Variants in MTAP observed in about 807,000 individuals in gnomAD.
MTAP encodes the protein S-methyl-5'-thioadenosine phosphorylase.
MTAP carries 33 observed loss-of-function variants against 33.6 expected under a neutral mutation model. The observed-to-expected ratio is 0.98, with a 90% CI of 0.74 to 1.31. The LOEUF (loss-of-function observed/expected upper bound fraction) is 1.31. MTAP is among the 40% of genes most tolerant of loss of function. The pLI is 0.00. For missense variants in MTAP, 367 were observed against 360.0 expected, an observed-to-expected ratio of 1.02 and a Z score of -0.16; for synonymous variants, 148 against 125.7, an observed-to-expected ratio of 1.18 and a Z score of -1.19.
In MTAP at chr9:21,863,101, C is replaced by T. The variant is rs1825785596; in HGVS notation, c.*1087C>T. On this transcript the variant is annotated 3_prime_UTR_variant, in exon 8 of 8. Transcript: ENST00000644715. ...AGAACAGTACTTGGGTTTGCAACAG[C>T]TTTCTGAGAAAAGCTAGGTGTTTAA... is the stretch of plus-strand genomic sequence containing the variant. 12 of 984,782 alleles carry T rather than the reference C, an allele frequency of 1.2e-5. No homozygotes were observed. The highest frequency in any genetic ancestry group is 1.3e-5 in the Non-Finnish European group (11 of 829,480). 61.0% of individuals were successfully genotyped at this position (984,782 alleles called of 1,614,324 possible). A position where few individuals can be genotyped will look rare whatever the true frequency, so the allele number is the denominator to read the frequency against.
At chr9:21,848,063 C>T (rs1825424562) in intron 5 of MTAP, among the ~76,000 whole-genome samples, 1 of 152,154 alleles carries the variant, frequency 6.6e-6, no homozygotes, top group Non-Finnish European at 1.5e-5. Flanking sequence ...GCATCCCCTC[C>T]CTGACCTATG....
chr9:21,917,731 C>G (rs1214588764), intron 1 of MTAP, among the ~76,000 whole-genome samples: 2 of 152,152 alleles, frequency 1.3e-5, no homozygotes, highest in South Asian at 2.1e-4. Flanking sequence ...TCCAGTAATC[C>G]CACTACTGAG....
chr9:21,852,658 A>G (rs531739225), intron 5 of MTAP, among the ~76,000 whole-genome samples: 1 of 151,578 alleles, frequency 6.6e-6, no homozygotes, highest in East Asian at 2.0e-4. Flanking sequence ...CTACTAAAGA[A>G]CTTATATACA....
At chr9:21,896,617 A>G (rs565037733) in intron 1 of MTAP, among the ~76,000 whole-genome samples, 8 of 152,292 alleles carry the variant, frequency 5.3e-5, no homozygotes, top group Non-Finnish European at 1.0e-4. Context: ...CCTCTATGCA[A>G]ATAAACTAGA....
At position 21,816,647 on chromosome 9, in the gene MTAP, A is replaced by G. The variant is rs7023474; in HGVS notation, c.121-67A>G. ...GATTCCATGAGTCCTGTTGTGGTTGAACAATTATAATTTACATACCTGTTT... is the reference window on the plus strand; with the variant it reads ...GATTCCATGAGTCCTGTTGTGGTTGGACAATTATAATTTACATACCTGTTT... On this transcript the variant is annotated intron_variant, in intron 2 of 7. Coordinates refer to ENST00000644715, the MANE Select transcript of MTAP (RefSeq NM_002451.4). 783,407 of 1,408,308 alleles carry G rather than the reference A, an allele frequency of 0.56. 223,780 individuals carry two copies. The highest frequency in any genetic ancestry group is 0.82 in the African/African-American group (57,578 of 70,402). The allele number at this position is 1,408,308 out of a possible 1,614,324, so 87.2% of individuals were successfully genotyped here.
intron 5 of MTAP, among the ~76,000 whole-genome samples, chr9:21,848,416 G>T (rs1825433228): frequency 8.9e-6 from 1 of 112,438 alleles, no homozygotes; most frequent in African/African-American, 2.9e-5. Context: ...GGATCAGGCT[G>T]AATTTATTGA....
rs1563869458 is a variant in MTAP at position 21,915,046 on chromosome 9, TCC to T, written c.148-15961_148-15960del. 5.5e-3 allele frequency among the ~76,000 whole-genome samples: 592 copies of T among 108,598 alleles called. 9 individuals carry two copies. Among genetic ancestry groups the T allele is most frequent in the Non-Finnish European group, 6.8e-3 (401 of 59,016 alleles). The allele number at this position is 108,598 out of a possible 152,430, so 71.2% of individuals were successfully genotyped here. ...TTCCTTCCTTCCTTCCTTCCTTCCT[TCC>T]TTCCTTCCTTTCTTTCTTTCTTTCT... On this transcript the variant is annotated intron_variant, in intron 1 of 1. Coordinates refer to the MTAP transcript ENST00000577563.
intron 1 of MTAP, among the ~76,000 whole-genome samples, chr9:21,913,405 A>G (rs2118856260): frequency 6.6e-6 from 1 of 152,340 alleles, no homozygotes; most frequent in African/African-American, 2.4e-5. Context: ...TAACCAAAAC[A>G]GCATGGTACT....
At chr9:21,815,789 T>C (rs992467280) in intron 2 of MTAP, among the ~76,000 whole-genome samples, 6 of 152,098 alleles carry the variant, frequency 3.9e-5, no homozygotes, top group Non-Finnish European at 7.3e-5. Flanking sequence ...AGATACTCAT[T>C]TCAGACCACA....
chr9:21,848,121 G>GCCTGAGGCAACAGTGATGGCCTCC (rs1209119963), intron 5 of MTAP, among the ~76,000 whole-genome samples: 1 of 152,138 alleles, frequency 6.6e-6, no homozygotes, highest in Non-Finnish European at 1.5e-5. Context: ...ACCCTGTGCG[G>GCCTGAGGCAACAGTGATGGCCTCC]CCTGAGGCAA....
At chr9:21,807,039 A>C (rs1587191983) in intron 1 of MTAP, among the ~76,000 whole-genome samples, 1 of 152,088 alleles carries the variant, frequency 6.6e-6, no homozygotes, top group Non-Finnish European at 1.5e-5. Context: ...TGCTGCACGC[A>C]TGTAATCCCA....
At chr9:21,901,555 A>C (rs916033499) in intron 1 of MTAP, among the ~76,000 whole-genome samples, 1 of 152,216 alleles carries the variant, frequency 6.6e-6, no homozygotes, top group African/African-American at 2.4e-5. Context: ...ATTATTAACT[A>C]TAAAACCTAT....
At chr9:21,888,796 A>G (rs1182988987) in intron 1 of MTAP, among the ~76,000 whole-genome samples, 1 of 152,178 alleles carries the variant, frequency 6.6e-6, no homozygotes, top group African/African-American at 2.4e-5. Context: ...AAGAACACCC[A>G]GGAAATTCGT....
At chr9:21,812,198 C>G (rs1174345164) in intron 1 of MTAP, 2 of 209,330 alleles carry the variant, frequency 9.6e-6, no homozygotes, top group Non-Finnish European at 2.0e-5. Context: ...CGGCCAGCTT[C>G]TGCAAGTCAG....
rs548484013 is a variant in MTAP at position 21,855,005 on chromosome 9, G to C, written c.690+135G>C. Reference sequence around the variant, plus strand: ...GGTTTTGAAGTTGTTAATATTTTCTGTAGTTCCATTGGAAGGTAAGAACAA... The same window carrying C: ...GGTTTTGAAGTTGTTAATATTTTCTCTAGTTCCATTGGAAGGTAAGAACAA... On this transcript the variant is annotated intron_variant, in intron 6 of 7. Transcript: ENST00000644715. 16 of 1,211,116 alleles carry C rather than the reference G, an allele frequency of 1.3e-5. No homozygotes were observed. In the South Asian group the frequency reaches 2.5e-4, roughly 19 times the overall value. The allele number at this position is 1,211,116 out of a possible 1,614,324, so 75.0% of individuals were successfully genotyped here. A position where few individuals can be genotyped will look rare whatever the true frequency, so the allele number is the denominator to read the frequency against.
intron 1 of MTAP, chr9:21,893,350 CAA>C (rs1818231074): frequency 1.3e-5 from 2 of 152,088 alleles, no homozygotes; most frequent in African/African-American, 4.8e-5. Flanking sequence ...TGTAGAAAAA[CAA>C]GAGCAAACCA....
intron 1 of MTAP, among the ~76,000 whole-genome samples, chr9:21,805,655 C>A (rs1303078086): frequency 3.3e-5 from 5 of 152,202 alleles, no homozygotes; most frequent in Non-Finnish European, 5.9e-5. Context: ...TGAATGGAAG[C>A]AGTGCCCTTA....
rs41270137 is a variant in MTAP, at chr9:21,862,909, G to A, written c.*895G>A. The A allele has an allele frequency of 2.7e-3, 2,568 of 961,928 alleles. 1 individual carries two copies. The highest frequency in any genetic ancestry group is 5.9e-3 in the Middle Eastern group (11 of 1,862). 59.6% of individuals were successfully genotyped at this position (961,928 alleles called of 1,614,324 possible). A position where few individuals can be genotyped will look rare whatever the true frequency, so the allele number is the denominator to read the frequency against. On this transcript the variant is annotated 3_prime_UTR_variant, in exon 8 of 8. Coordinates refer to ENST00000644715, the MANE Select transcript of MTAP (RefSeq NM_002451.4). ...TTTCTACAGTGAATTTAATCAAATA[G>A]TAAAGTTGTTGTAAAAATAAAAGTG...
chr9:21,925,439 T>G (rs1818853637), intron 1 of MTAP, among the ~76,000 whole-genome samples: 1 of 152,172 alleles, frequency 6.6e-6, no homozygotes, highest in Non-Finnish European at 1.5e-5. Context: ...CAACCAGGAC[T>G]AGGAGAAAGA....
Sources: allele counts gnomAD v4.1 joint callset (sites outside exome capture counted in the v4.1 genomes callset), GRCh38; gene constraint gnomAD v4.1.1; transcripts MANE v1.5; gene names NCBI Gene and HGNC (gene_info 2026-07-23, HGNC 2026-07-21).